The following ASAP3 variants were observed in gnomAD, a reference collection of about 807,000 sequenced individuals.
The protein encoded by ASAP3 is arf-GAP with SH3 domain, ANK repeat and PH domain-containing protein 3.
ASAP3 carries 85 observed loss-of-function variants against 118.2 expected under a neutral mutation model. That is an observed-to-expected ratio of 0.72 (90% confidence interval 0.60 to 0.86). ASAP3 has a LOEUF of 0.86. Among genes scored for constraint, ASAP3 ranks in the 40% least tolerant of loss-of-function variants. The pLI, the probability that ASAP3 is intolerant of heterozygous loss-of-function variation, is 0.00. For missense variants in ASAP3, 1,026 were observed against 1,175.0 expected (o/e 0.87, Z 1.85); for synonymous variants, 432 against 477.4 (o/e 0.90, Z 1.24).
chr1:23,473,974 C>CTTTTTTTTTTT lies in ASAP3; in HGVS notation c.129+10020_129+10030dup, dbSNP rs10664798. On this transcript the variant is annotated intron_variant, in intron 1 of 24. Coordinates refer to ENST00000336689, the MANE Select transcript of ASAP3 (RefSeq NM_017707.4). ...AGGCGAAAATGGCATTAAATCTGCTCTTTTTTTTTTTTTTTTTTTTTTTTG... is the reference window on the plus strand; with the variant it reads ...AGGCGAAAATGGCATTAAATCTGCTCTTTTTTTTTTTTTTTTTTTTTTTTTTTTTTTTTTTG... Among the ~76,000 whole-genome samples, 124 of 72,104 alleles carry CTTTTTTTTTTT rather than the reference C, an allele frequency of 1.7e-3. 14 individuals carry two copies. Among genetic ancestry groups the CTTTTTTTTTTT allele is most frequent in the African/African-American group, 6.7e-3 (98 of 14,716 alleles). 47.3% of individuals were successfully genotyped at this position (72,104 alleles called of 152,430 possible).
chr1:23,430,945 G>A lies in ASAP3; in HGVS notation c.2637+90C>T, dbSNP rs1169101963. The stretch of plus-strand genomic sequence containing the variant: ...CCATCTGTACCCCAACCATGGGGAG[G>A]TCTCCCACCCCAATACGCCTACTCT... On this transcript the variant is annotated intron_variant, in intron 24 of 24. Transcript: ENST00000336689. 4.0e-6 allele frequency: 5 copies of A among 1,254,266 alleles called. No individual in the cohort carries two copies. In the African/African-American group the frequency reaches 6.1e-5, roughly 15 times the overall value. 77.7% of individuals were successfully genotyped at this position (1,254,266 alleles called of 1,614,324 possible).
At chr1:23,441,816 G>T in intron 7 of ASAP3, 86 bp from the exon 8 acceptor site, 1 of 1,397,478 alleles carries the variant, frequency 7.2e-7, no homozygotes, top group Non-Finnish European at 1.0e-6. Context: ...GCTGCCGTAA[G>T]GATCACAGGG....
At chr1:23,468,360 C>T (rs1641843638) in intron 1 of ASAP3, among the ~76,000 whole-genome samples, 5 of 152,158 alleles carry the variant, frequency 3.3e-5, no homozygotes, top group Admixed American at 3.3e-4. Context: ...CAATAAGACA[C>T]AGAACCCTTT....
At chr1:23,447,039 G>A (rs973315785) in intron 5 of ASAP3, among the ~76,000 whole-genome samples, 14 of 152,132 alleles carry the variant, frequency 9.2e-5, no homozygotes, top group African/African-American at 1.2e-4. Context: ...AATAGGGTTC[G>A]TGCTTCTATG....
At chr1:23,430,839 T>C (rs1640401847) in intron 24 of ASAP3, among the ~76,000 whole-genome samples, 196 bp downstream of exon 24, 1 of 152,004 alleles carries the variant, frequency 6.6e-6, no homozygotes, top group South Asian at 2.1e-4. Context: ...CGTGGCCACC[T>C]GGGCACCAGG....
intron 2 of ASAP3, 41 bp downstream of exon 2, chr1:23,456,081 G>T (rs768905488): frequency 6.2e-7 from 1 of 1,613,988 alleles, no homozygotes. Context: ...GCTGGGAGAG[G>T]GGCTTCCTGA....
At position 23,482,893 on chromosome 1, in the gene ASAP3, A is replaced by G. The variant is rs113328632; in HGVS notation, c.129+1112T>C. On this transcript the variant is annotated intron_variant, in intron 1 of 24. Transcript: ENST00000336689. ...TGTGAACCTGGGAGGCGGAGTTTGC[A>G]TTGAGCCAAGATCGCGTCACTGCAC... Among the ~76,000 whole-genome samples, 1,150 of 151,688 alleles carry G rather than the reference A, an allele frequency of 7.6e-3. 18 individuals carry two copies. Among genetic ancestry groups the G allele is most frequent in the African/African-American group, 0.027 (1,094 of 41,282 alleles).
intron 5 of ASAP3, among the ~76,000 whole-genome samples, chr1:23,448,125 G>A (rs1038540391): frequency 2.0e-5 from 3 of 152,206 alleles, no homozygotes; most frequent in Non-Finnish European, 4.4e-5. Flanking sequence ...GGAATGAAAT[G>A]AAATAGTGGG....
chr1:23,439,693 G>A (rs1329969051), intron 10 of ASAP3, among the ~76,000 whole-genome samples: 1 of 152,028 alleles, frequency 6.6e-6, no homozygotes, highest in Non-Finnish European at 1.5e-5. Flanking sequence ...CACTTCTCCT[G>A]TAACAGGTAA....
chr1:23,481,986 C>T (rs1642321027), intron 1 of ASAP3, among the ~76,000 whole-genome samples: 3 of 152,174 alleles, frequency 2.0e-5, no homozygotes, highest in Admixed American at 2.0e-4. Context: ...TCCCTGTGAG[C>T]CCCACAGTAA....
chr1:23,441,272 C>A, intron 9 of ASAP3, 61 bp from the exon 10 acceptor site: 1 of 1,599,614 alleles, frequency 6.3e-7, no homozygotes, highest in South Asian at 1.1e-5. Context: ...CCCCATTCTG[C>A]GGGGGCTCAC....
chr1:23,433,127 T>G lies in ASAP3; in HGVS notation c.2273A>C (p.Lys758Thr). The change falls in exon 22 of 25, where the codon AAA (lysine) becomes ACA (threonine). Residue 758 changes from lysine (K) to threonine (T), a missense_variant. Lys to Thr is a moderately conservative substitution (Grantham distance 78). Coordinates refer to ENST00000336689, the MANE Select transcript of ASAP3 (RefSeq NM_017707.4). ...TTGGACCAAAGTCCGAGAAGAGTTT[T>G]TGACTGGCAAGGGCGGGGGACAGTC... Reference protein sequence around the residue: ...SEDCPPPLPVKNSSRTLVQGC... With the variant: ...SEDCPPPLPVTNSSRTLVQGC... 1 of 1,614,140 alleles carries G rather than the reference T, an allele frequency of 6.2e-7. No homozygotes were observed. The highest frequency in any genetic ancestry group is 1.1e-5 in the South Asian group (1 of 91,082).
chr1:23,429,721 C>T lies in ASAP3; in HGVS notation c.*135G>A. On this transcript the variant is annotated 3_prime_UTR_variant, in exon 25 of 25. Transcript: ENST00000336689. ...GGCATGGCCTGTGGCAGGAAGAAGG[C>T]CAGCTACAGAGGCACAAGGGACAGA... 1 of 866,268 alleles carries T rather than the reference C, an allele frequency of 1.2e-6. No individual in the cohort carries two copies. Among genetic ancestry groups the T allele is most frequent in the Non-Finnish European group, 1.7e-6 (1 of 574,574 alleles). The allele number at this position is 866,268 out of a possible 1,614,324, so 53.7% of individuals were successfully genotyped here. A position where few individuals can be genotyped will look rare whatever the true frequency, so the allele number is the denominator to read the frequency against.
At chr1:23,435,800 G>C in intron 17 of ASAP3, 51 bp downstream of exon 17, 1 of 1,603,670 alleles carries the variant, frequency 6.2e-7, no homozygotes, top group Non-Finnish European at 8.5e-7. Context: ...AGAAGAACTG[G>C]GGAATATGTT....
intron 1 of ASAP3, among the ~76,000 whole-genome samples, chr1:23,482,546 T>C (rs1331572324): frequency 6.6e-6 from 1 of 151,974 alleles, no homozygotes; most frequent in Non-Finnish European, 1.5e-5. Flanking sequence ...ATGCTTTATA[T>C]GCATTGTCTC....
At chr1:23,461,607 G>A (rs1470246891) in intron 1 of ASAP3, among the ~76,000 whole-genome samples, 2 of 151,664 alleles carry the variant, frequency 1.3e-5, no homozygotes, top group Non-Finnish European at 2.9e-5. Flanking sequence ...GCTATAGTGA[G>A]CTGTGATCGT....
At chr1:23,439,028 C>A in intron 11 of ASAP3, 133 bp downstream of exon 11, 1 of 1,226,294 alleles carries the variant, frequency 8.2e-7, no homozygotes, top group Non-Finnish European at 1.2e-6. Flanking sequence ...TCTGTCCTCC[C>A]AAACGGGTCT....
intron 1 of ASAP3, among the ~76,000 whole-genome samples, chr1:23,464,169 C>T (rs900710679): frequency 4.7e-5 from 7 of 149,668 alleles, no homozygotes; most frequent in East Asian, 2.0e-4. Flanking sequence ...ACCCCCACCC[C>T]GATCTATACC....
intron 1 of ASAP3, among the ~76,000 whole-genome samples, chr1:23,473,974 C>CTTTTTTTTTTTTTTTTTTTTTTTT (rs10664798): frequency 4.2e-5 from 3 of 72,108 alleles, no homozygotes; most frequent in African/African-American, 2.0e-4. Context: ...TAAATCTGCT[C>CTTTTTTTTTTTTTTTTTTTTTTTT]TTTTTTTTTT....
Sources: allele counts gnomAD v4.1 joint callset (sites outside exome capture counted in the v4.1 genomes callset), GRCh38; gene constraint gnomAD v4.1.1; transcripts MANE v1.5; gene names NCBI Gene and HGNC (gene_info 2026-07-23, HGNC 2026-07-21).